The following MALRD1 variants were observed in gnomAD, a reference collection of about 807,000 sequenced individuals.
MALRD1 encodes MAM and LDL receptor class A domain containing 1.
Under a neutral mutation model 242.1 loss-of-function variants are expected in MALRD1, and 247 were observed. That is an observed-to-expected ratio of 1.02 (90% CI 0.92 to 1.13). The LOEUF (loss-of-function observed/expected upper bound fraction) is 1.13, where lower values mean the gene tolerates loss of function less well. Among genes scored for constraint, MALRD1 ranks in the 50% most tolerant of loss-of-function variants. The probability of loss-of-function intolerance (pLI) is 0.00; values close to 1 mark genes in which losing one functional copy is unlikely to be tolerated. For synonymous variants in MALRD1, 995 were observed against 866.6 expected (o/e 1.15, Z -2.60); for missense variants, 2,989 against 2,533.1 (o/e 1.18, Z -3.86).
rs116028980 is a variant in MALRD1 at position 19,085,408 on chromosome 10, T to C, written c.341-2432T>C. On this transcript the variant is annotated intron_variant, in intron 2 of 39. Coordinates refer to ENST00000454679, the MANE Select transcript of MALRD1 (RefSeq NM_001142308.3). ...AAAATGAAGTACACACTAAAAAAAA[T>C]TGTGATTGTCACTAAGTTAAAATTA... Among the ~76,000 whole-genome samples the C allele has an allele frequency of 7.6e-3, 1,163 of 152,038 alleles. 17 individuals are homozygous for C. The highest frequency in any genetic ancestry group is 0.026 in the African/African-American group (1,094 of 41,516).
At chr10:19,499,961 C>G (rs1837896810) in intron 31 of MALRD1, among the ~76,000 whole-genome samples, 1 of 152,098 alleles carries the variant, frequency 6.6e-6, no homozygotes, top group South Asian at 2.1e-4. Context: ...GGAATGAACC[C>G]TACTGGATTG....
At chr10:19,622,964 G>T (rs192005753) in intron 36 of MALRD1, among the ~76,000 whole-genome samples, 8 of 151,922 alleles carry the variant, frequency 5.3e-5, no homozygotes, top group African/African-American at 1.7e-4. Context: ...TTGGAAAAGG[G>T]TAAAATTAGA....
chr10:19,660,021 C>T (rs1278130455), intron 36 of MALRD1, among the ~76,000 whole-genome samples: 5 of 152,266 alleles, frequency 3.3e-5, no homozygotes, highest in South Asian at 2.1e-4. Context: ...ATCAGACAGT[C>T]GTCATATGCC....
At chr10:19,071,607 T>A (rs746606043) in intron 2 of MALRD1, among the ~76,000 whole-genome samples, 23 of 152,156 alleles carry the variant, frequency 1.5e-4, no homozygotes, top group Non-Finnish European at 3.2e-4. Flanking sequence ...GTAATCATTA[T>A]GTTCATCACT....
intron 28 of MALRD1, among the ~76,000 whole-genome samples, chr10:19,415,178 G>C (rs191286958): frequency 2.0e-5 from 3 of 152,220 alleles, no homozygotes; most frequent in East Asian, 1.9e-4. Flanking sequence ...ATAATCTTTA[G>C]TAGATACAAT....
chr10:19,429,513 G>A (rs1204426162), intron 28 of MALRD1, among the ~76,000 whole-genome samples: 9 of 152,030 alleles, frequency 5.9e-5, no homozygotes, highest in African/African-American at 1.9e-4. Flanking sequence ...GCGGTGAGCC[G>A]AGGCCATGCC....
chr10:19,270,095 A>G (rs1482641424), intron 19 of MALRD1, among the ~76,000 whole-genome samples: 1 of 152,128 alleles, frequency 6.6e-6, no homozygotes, highest in Admixed American at 6.6e-5. Flanking sequence ...CGAGTGGATC[A>G]CCTGAGGTCA....
At chr10:19,622,755 T>C (rs1364412775) in intron 36 of MALRD1, among the ~76,000 whole-genome samples, 1 of 151,584 alleles carries the variant, frequency 6.6e-6, no homozygotes, top group East Asian at 1.9e-4. Flanking sequence ...CCAATATCAA[T>C]AGAATAAAGC....
intron 24 of MALRD1, among the ~76,000 whole-genome samples, chr10:19,336,846 A>G (rs910885113): frequency 1.2e-4 from 18 of 152,118 alleles, no homozygotes; most frequent in South Asian, 2.1e-4. Flanking sequence ...GAAGACCAAT[A>G]AAATTTTCAA....
At chr10:19,380,473 G>A (rs926411217) in intron 26 of MALRD1, among the ~76,000 whole-genome samples, 14 of 151,526 alleles carry the variant, frequency 9.2e-5, no homozygotes, top group Non-Finnish European at 1.8e-4. Flanking sequence ...TTTTGCTTAC[G>A]TTCTTATTTC....
At chr10:19,208,340 G>A (rs1736703136) in intron 17 of MALRD1, among the ~76,000 whole-genome samples, 2 of 152,288 alleles carry the variant, frequency 1.3e-5, no homozygotes, top group South Asian at 4.1e-4. Flanking sequence ...GTGGTGGGGT[G>A]TTTAGAATAT....
At chr10:19,564,797 T>C (rs1448806152) in intron 32 of MALRD1, among the ~76,000 whole-genome samples, 1 of 152,150 alleles carries the variant, frequency 6.6e-6, no homozygotes, top group African/African-American at 2.4e-5. Context: ...TTAAAAGTTA[T>C]TAAAATTACT....
intron 20 of MALRD1, among the ~76,000 whole-genome samples, chr10:19,282,465 GGA>G (rs932189591): frequency 2.0e-5 from 3 of 152,028 alleles, no homozygotes; most frequent in African/African-American, 7.2e-5. Flanking sequence ...GAACACATTC[GGA>G]GAGAGAATTC....
At chr10:19,180,961 T>G (rs899261738) in intron 14 of MALRD1, among the ~76,000 whole-genome samples, 6 of 152,174 alleles carry the variant, frequency 3.9e-5, no homozygotes, top group Admixed American at 6.5e-5. Context: ...TGAACAGATA[T>G]TCCACATTTC....
chr10:19,468,110 A>G (rs1836312936), intron 29 of MALRD1, among the ~76,000 whole-genome samples: 1 of 3,288 alleles, frequency 3.0e-4, no homozygotes, highest in South Asian at 0.042. Context: ...CTTTAAAACA[A>G]AAAAAAAATC....
At chr10:19,438,136 C>T (rs1166475553) in intron 28 of MALRD1, among the ~76,000 whole-genome samples, 1 of 152,026 alleles carries the variant, frequency 6.6e-6, no homozygotes, top group Non-Finnish European at 1.5e-5. Context: ...CCTCCCCCAA[C>T]CCTTAAAAAC....
chr10:19,171,933 A>T (rs1834995225), intron 13 of MALRD1, among the ~76,000 whole-genome samples: 1 of 119,266 alleles, frequency 8.4e-6, no homozygotes, highest in Admixed American at 8.4e-5. Context: ...TATATGTGAT[A>T]TATATATCAT....
At chr10:19,278,447 A>G (rs1012683988) in intron 19 of MALRD1, among the ~76,000 whole-genome samples, 2 of 146,178 alleles carry the variant, frequency 1.4e-5, no homozygotes, top group Non-Finnish European at 1.5e-5. Flanking sequence ...TCATCTGTCC[A>G]TCCATCCATC....
chr10:19,486,349 G>T (rs551655643), intron 29 of MALRD1, among the ~76,000 whole-genome samples: 1 of 152,014 alleles, frequency 6.6e-6, no homozygotes, highest in Non-Finnish European at 1.5e-5. Context: ...CTTTGTTGTG[G>T]TCTAAGCTCC....
Sources: gnomAD v4.1 joint callset for allele counts (sites outside exome capture counted in the v4.1 genomes callset) on GRCh38, gnomAD v4.1.1 for gene constraint, MANE v1.5 for transcripts, NCBI Gene and HGNC (gene_info 2026-07-23, HGNC 2026-07-21) for gene names.